Variants in KIF16B observed in about 807,000 individuals in gnomAD.
KIF16B encodes the protein kinesin family member 16B, also known as kinesin-like protein KIF16B.
KIF16B carries 98 observed loss-of-function variants against 156.3 expected under a neutral mutation model. That is an observed-to-expected ratio of 0.63 (90% CI 0.53 to 0.74). The LOEUF (loss-of-function observed/expected upper bound fraction) is 0.74, where lower values mean the gene tolerates loss of function less well. Ranked by LOEUF, KIF16B falls within the 30% of genes least tolerant of loss-of-function variation. The pLI is 0.00. For missense variants in KIF16B, 1,421 were observed against 1,606.5 expected, an observed-to-expected ratio of 0.88 and a Z score of 1.97; for synonymous variants, 564 against 583.7, an observed-to-expected ratio of 0.97 and a Z score of 0.49.
Position 16,374,148 on chromosome 20 carries a change from C to T in KIF16B, c.3350+109G>A, listed in dbSNP as rs566552581. On this transcript the variant is annotated intron_variant, in intron 20 of 25. Transcript: ENST00000354981. ...GAGCACATCTCAAGCACGTGTATTA[C>T]TTGTTGCCCTTAATAGAGCCCTCCA... 4 of 1,101,616 alleles carry T rather than the reference C, an allele frequency of 3.6e-6. No individual in the cohort carries two copies. The South Asian group carries it at 1.1e-4, about 29-fold the overall frequency. The allele number at this position is 1,101,616 out of a possible 1,614,324, so 68.2% of individuals were successfully genotyped here.
In KIF16B at chr20:16,379,369, T is replaced by C. The variant is rs748787314; in HGVS notation, c.2633A>G (p.His878Arg). ...HDKESRLLEK[H>R]DESVTDVTEV... Reference sequence around the variant, plus strand: ...CGTGACATCTGTGACACTCTCATCATGTTTTTCCAACAATCTAGATTCTTT... The same window carrying C: ...CGTGACATCTGTGACACTCTCATCACGTTTTTCCAACAATCTAGATTCTTT... Residue 878 changes from histidine (H) to arginine (R), a missense_variant, in exon 19 of 26, where the codon CAT becomes CGT. Transcript: ENST00000354981. 9 of 1,604,062 alleles carry C rather than the reference T, an allele frequency of 5.6e-6. No individual in the cohort carries two copies. Among genetic ancestry groups the C allele is most frequent in the Middle Eastern group, 1.7e-4 (1 of 5,994 alleles).
intron 20 of KIF16B, among the ~76,000 whole-genome samples, chr20:16,372,009 C>T (rs577518747): frequency 5.9e-5 from 9 of 152,288 alleles, no homozygotes; most frequent in African/African-American, 9.6e-5. Context: ...GGAAAGGAGA[C>T]TAAGTGATCC....
intron 17 of KIF16B, chr20:16,382,179 A>G (rs776755104): frequency 3.4e-5 from 41 of 1,201,858 alleles, no homozygotes; most frequent in Non-Finnish European, 4.5e-5. Context: ...GAGCACAGAC[A>G]TCAATTAAGG....
intron 22 of KIF16B, among the ~76,000 whole-genome samples, chr20:16,365,951 T>C (rs1190334741): frequency 6.6e-6 from 1 of 152,082 alleles, no homozygotes; most frequent in Non-Finnish European, 1.5e-5. Flanking sequence ...GTCTCCTTCC[T>C]TCTGAGAACT....
At chr20:16,506,605 C>A (rs1351701166) in intron 7 of KIF16B, among the ~76,000 whole-genome samples, 2 of 152,116 alleles carry the variant, frequency 1.3e-5, no homozygotes, top group African/African-American at 4.8e-5. Context: ...AGCATTCAAC[C>A]ATTATCGGAT....
chr20:16,364,075 G>C (rs957271028), intron 22 of KIF16B, among the ~76,000 whole-genome samples: 2 of 152,178 alleles, frequency 1.3e-5, no homozygotes, highest in African/African-American at 4.8e-5. Flanking sequence ...ATCTGGGAAA[G>C]AGAATGTAAG....
At chr20:16,509,513 T>C (rs2068891358) in intron 6 of KIF16B, among the ~76,000 whole-genome samples, 1 of 152,224 alleles carries the variant, frequency 6.6e-6, no homozygotes, top group East Asian at 1.9e-4. Flanking sequence ...CAAAGATGGG[T>C]GACAAATGTT....
chr20:16,487,439 G>C lies in KIF16B; in HGVS notation c.1302+6852C>G, dbSNP rs6034502. Among the ~76,000 whole-genome samples the C allele has an allele frequency of 1.6e-3, 238 of 152,192 alleles. 1 individual carries two copies. Among genetic ancestry groups the C allele is most frequent in the African/African-American group, 5.2e-3 (217 of 41,512 alleles). ...ACAAGCCTGCTGAGCAACAGCCCCA[G>C]TTACGAGAGCTGCTTCCGAATCCAT... On this transcript the variant is annotated intron_variant, in intron 12 of 25. Transcript: ENST00000354981.
At chr20:16,378,440 C>T (rs1440876325) in intron 19 of KIF16B, among the ~76,000 whole-genome samples, 1 of 151,888 alleles carries the variant, frequency 6.6e-6, no homozygotes, top group Non-Finnish European at 1.5e-5. Flanking sequence ...GAGAGGGAGA[C>T]AGGCAAGGGA....
intron 17 of KIF16B, 72 bp downstream of exon 17, chr20:16,404,741 G>T: frequency 2.6e-6 from 3 of 1,152,782 alleles, no homozygotes; most frequent in South Asian, 1.3e-5. Flanking sequence ...TTTACCTTGT[G>T]ACTATAATGG....
intron 23 of KIF16B, 129 bp downstream of exon 23, chr20:16,356,201 G>A: frequency 2.5e-6 from 3 of 1,209,842 alleles, no homozygotes; most frequent in Non-Finnish European, 3.5e-6. Context: ...TTAAAGAAGG[G>A]CAAGACCAAA....
chr20:16,426,981 A>C lies in KIF16B; in HGVS notation c.1612+123T>G, dbSNP rs546700072. ...AGAGAAACAGCCTATTGAAGCAAAC[A>C]GTCTCACCCTTTTTATACCTAATCA... On this transcript the variant is annotated intron_variant, in intron 15 of 25. Transcript: ENST00000354981. The C allele has an allele frequency of 2.7e-5, 21 of 768,714 alleles. No individual in the cohort carries two copies. In the East Asian group the frequency reaches 5.6e-4, roughly 20 times the overall value. 47.6% of individuals were successfully genotyped at this position (768,714 alleles called of 1,614,324 possible). A position where few individuals can be genotyped will look rare whatever the true frequency, so the allele number is the denominator to read the frequency against.
intron 1 of KIF16B, among the ~76,000 whole-genome samples, chr20:16,571,914 C>T (rs1008841237): frequency 4.6e-5 from 7 of 152,136 alleles, no homozygotes; most frequent in Non-Finnish European, 1.0e-4. Context: ...CATGAGCCAC[C>T]GCGCCCAGCC....
At chr20:16,489,409 G>C (rs2068219379) in intron 12 of KIF16B, among the ~76,000 whole-genome samples, 1 of 152,140 alleles carries the variant, frequency 6.6e-6, no homozygotes, top group African/African-American at 2.4e-5. Context: ...AGACTACTCT[G>C]CATTTCCTCA....
chr20:16,513,066 C>T, intron 4 of KIF16B, 143 bp from the exon 5 acceptor site: 1 of 604,812 alleles, frequency 1.7e-6, no homozygotes, highest in Non-Finnish European at 3.0e-6. Context: ...CATATACCCC[C>T]TCCAGGGCTG....
At chr20:16,554,168 A>G (rs2070764197) in intron 1 of KIF16B, among the ~76,000 whole-genome samples, 1 of 152,190 alleles carries the variant, frequency 6.6e-6, no homozygotes, top group South Asian at 2.1e-4. Flanking sequence ...CCTGCGGACC[A>G]GGCTGCCAAT....
chr20:16,508,207 G>T, intron 6 of KIF16B, 107 bp from the exon 7 acceptor site: 2 of 1,272,034 alleles, frequency 1.6e-6, no homozygotes, highest in Non-Finnish European at 2.2e-6. Flanking sequence ...CTGCTGACCT[G>T]TCTGAAGACC....
At chr20:16,444,415 A>C (rs565986110) in intron 12 of KIF16B, among the ~76,000 whole-genome samples, 1 of 152,234 alleles carries the variant, frequency 6.6e-6, no homozygotes, top group African/African-American at 2.4e-5. Flanking sequence ...CATGATGTGT[A>C]AAGTGTATAA....
intron 12 of KIF16B, 32 bp downstream of exon 12, chr20:16,494,259 A>G (rs756795831): frequency 7.4e-7 from 1 of 1,348,940 alleles, no homozygotes; most frequent in Non-Finnish European, 1.0e-6. Flanking sequence ...AATCCACCAT[A>G]GTAAGACTAA....
Sources: allele counts gnomAD v4.1 joint callset (sites outside exome capture counted in the v4.1 genomes callset), GRCh38; gene constraint gnomAD v4.1.1; transcripts MANE v1.5; gene names NCBI Gene and HGNC (gene_info 2026-07-23, HGNC 2026-07-21).